REDIC1: variants seen among roughly 807,000 people sequenced by gnomAD.
REDIC1 encodes the protein HEI10 Interacting Protein 1.
the REDIC1 span, among the ~76,000 whole-genome samples, chr12:39,732,994 AG>A: frequency 6.6e-6 from 1 of 151,974 alleles, no homozygotes; most frequent in Non-Finnish European, 1.5e-5. Context: ...TGATACTTCA[AG>A]TCCACAATTT....
chr12:39,801,294 A>C, the REDIC1 span, among the ~76,000 whole-genome samples: 1 of 148,328 alleles, frequency 6.7e-6, no homozygotes, highest in Non-Finnish European at 1.5e-5. Flanking sequence ...TTTTTATAAT[A>C]GTGTTTCACT....
the REDIC1 span, among the ~76,000 whole-genome samples, chr12:39,790,293 A>G: frequency 1.3e-5 from 2 of 151,114 alleles, no homozygotes; most frequent in East Asian, 3.9e-4. Flanking sequence ...ATATGTATAC[A>G]TGTGCTGTGC....
At chr12:39,771,862 T>C in the REDIC1 span, among the ~76,000 whole-genome samples, 1 of 152,110 alleles carries the variant, frequency 6.6e-6, no homozygotes, top group Admixed American at 6.5e-5. Context: ...ACAATCCTTT[T>C]ATGCAACTAA....
chr12:39,894,889 G>A, the REDIC1 span, among the ~76,000 whole-genome samples: 1 of 152,164 alleles, frequency 6.6e-6, no homozygotes, highest in Non-Finnish European at 1.5e-5. Context: ...AAATGGATAT[G>A]AAACCATCGG....
At chr12:39,799,217 G>A in the REDIC1 span, among the ~76,000 whole-genome samples, 4 of 147,208 alleles carry the variant, frequency 2.7e-5, no homozygotes, top group African/African-American at 1.0e-4. Flanking sequence ...GGACTCTCGA[G>A]TAGCTGGGAC....
chr12:39,712,750 CAT>C, the REDIC1 span, among the ~76,000 whole-genome samples: 157 of 141,180 alleles, frequency 1.1e-3, no homozygotes, highest in East Asian at 3.4e-3. Context: ...GACGTGTACA[CAT>C]ATGTGTATAT....
chr12:39,865,609 T>C, the REDIC1 span, among the ~76,000 whole-genome samples: 11 of 152,220 alleles, frequency 7.2e-5, no homozygotes, highest in Non-Finnish European at 1.3e-4. Context: ...TTTCTGACTA[T>C]TGTTTGAGCC....
the REDIC1 span, among the ~76,000 whole-genome samples, chr12:39,896,534 A>G: frequency 7.1e-6 from 1 of 141,108 alleles, no homozygotes; most frequent in African/African-American, 2.8e-5. Context: ...GTATACATGT[A>G]TGTATGTATG....
the REDIC1 span, among the ~76,000 whole-genome samples, chr12:39,712,675 A>G: frequency 7.0e-6 from 1 of 143,054 alleles, no homozygotes; most frequent in Non-Finnish European, 1.5e-5. Flanking sequence ...ATACATGTGT[A>G]TATATGTATA....
the REDIC1 span, among the ~76,000 whole-genome samples, chr12:39,792,814 A>AAAC: frequency 5.5e-4 from 82 of 149,256 alleles, no homozygotes; most frequent in African/African-American, 2.0e-3. Context: ...AAAAAAAAAA[A>AAAC]CCCCACATAA....
the REDIC1 span, among the ~76,000 whole-genome samples, chr12:39,884,740 G>A: frequency 1.3e-5 from 2 of 152,278 alleles, no homozygotes; most frequent in East Asian, 1.9e-4. Flanking sequence ...TGAAGGCAGC[G>A]ATGAGCTCCA....
the REDIC1 span, among the ~76,000 whole-genome samples, chr12:39,633,916 G>A: frequency 2.0e-5 from 3 of 151,962 alleles, no homozygotes; most frequent in Non-Finnish European, 2.9e-5. Flanking sequence ...TAAAAAGTTT[G>A]TTTTTTTGGT....
the REDIC1 span, among the ~76,000 whole-genome samples, chr12:39,691,593 A>G: frequency 6.6e-6 from 1 of 152,192 alleles, no homozygotes; most frequent in Admixed American, 6.5e-5. Context: ...AATAAAGTAC[A>G]AATTACATAG....
the REDIC1 span, chr12:39,835,835 G>A: frequency 6.8e-4 from 104 of 152,208 alleles, no homozygotes; most frequent in African/African-American, 2.4e-3. Flanking sequence ...AATAATTTTA[G>A]GGGGTAGATG....
the REDIC1 span, among the ~76,000 whole-genome samples, chr12:39,740,330 A>G: frequency 6.6e-6 from 1 of 151,938 alleles, no homozygotes; most frequent in East Asian, 1.9e-4. Context: ...TGGCATATGT[A>G]TTTTTTCAGA....
At chr12:39,827,449 C>T in the REDIC1 span, among the ~76,000 whole-genome samples, 2 of 152,158 alleles carry the variant, frequency 1.3e-5, no homozygotes, top group East Asian at 3.9e-4. Context: ...GCTTATCTCA[C>T]TCAGCATTAA....
chr12:39,663,616 A>C, the REDIC1 span, among the ~76,000 whole-genome samples: 1 of 151,914 alleles, frequency 6.6e-6, no homozygotes, highest in Non-Finnish European at 1.5e-5. Flanking sequence ...GATTTCTGTC[A>C]TGTTATCAAT....
chr12:39,706,022 T>C, the REDIC1 span, among the ~76,000 whole-genome samples: 1 of 152,020 alleles, frequency 6.6e-6, no homozygotes, highest in East Asian at 1.9e-4. Flanking sequence ...AAGAAAGAAG[T>C]CAAATTATCC....
the REDIC1 span, among the ~76,000 whole-genome samples, chr12:39,892,968 GAAAT>G: frequency 6.6e-6 from 1 of 152,028 alleles, no homozygotes; most frequent in East Asian, 1.9e-4. Flanking sequence ...CATATAATCA[GAAAT>G]AAAATTTAAA....
Sources: gnomAD v4.1 joint callset for allele counts (sites outside exome capture counted in the v4.1 genomes callset) on GRCh38, gnomAD v4.1.1 for gene constraint, MANE v1.5 for transcripts, NCBI Gene and HGNC (gene_info 2026-07-23, HGNC 2026-07-21) for gene names.